The following CRIP2 variants were observed in gnomAD, a reference collection of about 807,000 sequenced individuals.
CRIP2 encodes the protein cysteine-rich protein 2.
CRIP2 carries 31 observed loss-of-function variants against 31.3 expected under a neutral mutation model. That is an observed-to-expected ratio of 0.99 (90% CI 0.74 to 1.34). CRIP2 has a LOEUF of 1.34. Ranked by LOEUF, CRIP2 falls within the 40% of genes most tolerant of loss-of-function variation. The pLI, the probability that CRIP2 is intolerant of heterozygous loss-of-function variation, is 0.00. For synonymous variants in CRIP2, 177 were observed against 127.2 expected (o/e 1.39, Z -2.63); for missense variants, 389 against 301.6 (o/e 1.29, Z -2.15).
chr14:105,476,144 G>T, intron 1 of CRIP2: 2 of 985,462 alleles, frequency 2.0e-6, no homozygotes, highest in Non-Finnish European at 2.4e-6. Context: ...TAAGGCTTAG[G>T]GTGGGAGACG....
chr14:105,478,432 C>T lies in CRIP2; in HGVS notation c.139-18C>T, dbSNP rs782154948. ...CGCCACCCTCAGGCAGGGTCCTGAC[C>T]CGCGCCCCTCTGCGCAGCATGACGG... On this transcript the variant is annotated intron_variant, in intron 2 of 7. Coordinates refer to ENST00000329146, the MANE Select transcript of CRIP2 (RefSeq NM_001312.4). The surrounding 1 kb of genome is among the most constrained non-coding windows in gnomAD (Gnocchi z 4.9). The T allele has an allele frequency of 1.8e-4, 286 of 1,599,310 alleles. No homozygotes were observed. The highest frequency in any genetic ancestry group is 5.0e-4 in the Middle Eastern group (3 of 6,048).
In CRIP2 at chr14:105,479,996, A is replaced by C; in HGVS notation, c.*343A>C. 6.1e-6 allele frequency: 2 copies of C among 328,932 alleles called. No individual in the cohort carries two copies. Among genetic ancestry groups the C allele is most frequent in the Non-Finnish European group, 1.2e-5 (2 of 171,840 alleles). The allele number at this position is 328,932 out of a possible 1,614,324, so 20.4% of individuals were successfully genotyped here. ...GCCCACCCACCTGCCAGTGTTATTTATGCTCCCTTCGTGGGTGATGGCCAC... is the reference window on the plus strand; with the variant it reads ...GCCCACCCACCTGCCAGTGTTATTTCTGCTCCCTTCGTGGGTGATGGCCAC... On this transcript the variant is annotated 3_prime_UTR_variant, in exon 8 of 8. Coordinates refer to ENST00000329146, the MANE Select transcript of CRIP2 (RefSeq NM_001312.4).
chr14:105,476,437 T>C (rs587721075), intron 1 of CRIP2: 1 of 985,508 alleles, frequency 1.0e-6, no homozygotes, highest in East Asian at 1.1e-4. Context: ...CAGGCTGGGA[T>C]GTCGGAGCAC....
At chr14:105,476,862 G>C in intron 1 of CRIP2, 1 of 744,312 alleles carries the variant, frequency 1.3e-6, no homozygotes, top group South Asian at 6.0e-5. Flanking sequence ...GGTTGTACCA[G>C]GGCCACGGAG....
rs1555436755 is a variant in CRIP2 at position 105,479,235 on chromosome 14, C to T, written c.501+16C>T. The T allele has an allele frequency of 2.0e-5, 30 of 1,483,458 alleles. No individual in the cohort carries two copies. The highest frequency in any genetic ancestry group is 2.7e-5 in the Non-Finnish European group (29 of 1,070,796). 91.9% of individuals were successfully genotyped at this position (1,483,458 alleles called of 1,614,324 possible). A position where few individuals can be genotyped will look rare whatever the true frequency, so the allele number is the denominator to read the frequency against. On this transcript the variant is annotated intron_variant, in intron 6 of 7. Coordinates refer to ENST00000329146, the MANE Select transcript of CRIP2 (RefSeq NM_001312.4). Reference sequence around the variant, plus strand: ...GCACGCGGAGGTGAGGGGAGTGCAACGGGGCTTGGGGGCCGGGCAGGGGCG... The same window carrying T: ...GCACGCGGAGGTGAGGGGAGTGCAATGGGGCTTGGGGGCCGGGCAGGGGCG...
chr14:105,473,554 G>A (rs1228275171), upstream of CRIP2: 5 of 1,514,916 alleles, frequency 3.3e-6, no homozygotes, highest in Middle Eastern at 1.7e-4. Context: ...AGACACAGGG[G>A]GAAGGGTGTC....
chr14:105,473,451 G>A, upstream of CRIP2: 3 of 1,535,744 alleles, frequency 2.0e-6, no homozygotes, highest in Non-Finnish European at 2.6e-6. Context: ...ATGAAAGCCA[G>A]GAGCACCGAG....
At position 105,479,893 on chromosome 14, in the gene CRIP2, C is replaced by A. The variant is rs45547836; in HGVS notation, c.*240C>A. ...CCCTTCTGTGTCTGCGTGTCCGAATCCCCGTGTGACCCTGTCCCAGCATTT... is the reference window on the plus strand; with the variant it reads ...CCCTTCTGTGTCTGCGTGTCCGAATACCCGTGTGACCCTGTCCCAGCATTT... On this transcript the variant is annotated 3_prime_UTR_variant, in exon 8 of 8. Transcript: ENST00000329146. The A allele has an allele frequency of 0.015, 8,578 of 571,050 alleles. 83 individuals are homozygous for A. The highest frequency in any genetic ancestry group is 0.024 in the Middle Eastern group (52 of 2,144). The allele number at this position is 571,050 out of a possible 1,614,324, so 35.4% of individuals were successfully genotyped here. A position where few individuals can be genotyped will look rare whatever the true frequency, so the allele number is the denominator to read the frequency against.
At chr14:105,477,560 G>A in intron 1 of CRIP2, 2 of 983,728 alleles carry the variant, frequency 2.0e-6, no homozygotes, top group Non-Finnish European at 2.4e-6. Flanking sequence ...AGGTGTGAGA[G>A]GGAGAGCAGC....
chr14:105,473,742 C>T (rs1262991008), upstream of CRIP2, among the ~76,000 whole-genome samples: 5 of 152,108 alleles, frequency 3.3e-5, no homozygotes, highest in Non-Finnish European at 7.4e-5. Context: ...GGCTCTAGGG[C>T]GGAGGCACTG....
chr14:105,476,634 C>G (rs1469883120), intron 1 of CRIP2: 4 of 985,368 alleles, frequency 4.1e-6, no homozygotes, highest in Admixed American at 1.2e-4. Context: ...GGCCAGAGCA[C>G]AGTGCTGGCA....
rs1555436870 is a variant in CRIP2 at position 105,479,468 on chromosome 14, C to G, written c.534C>G (p.Cys178Trp). Reference protein sequence around the residue: ...HDGQPYCHKPCYGILFGPKGV... With the variant: ...HDGQPYCHKPWYGILFGPKGV... ...GCCAGCCCTACTGCCACAAGCCCTG[C>G]TATGGAATCCTCTTCGGACCCAAGG... is the stretch of plus-strand genomic sequence containing the variant. Residue 178 changes from cysteine (C) to tryptophan (W), a missense_variant, in exon 7 of 8, where the codon TGC becomes TGG. Physicochemically the swap from Cys to Trp is radical, Grantham distance 215. Transcript: ENST00000329146. 6.2e-7 allele frequency: 1 copy of G among 1,612,976 alleles called. No individual in the cohort carries two copies. Among genetic ancestry groups the G allele is most frequent in the Admixed American group, 1.7e-5 (1 of 60,026 alleles).
chr14:105,475,881 G>A (rs1054891879), intron 1 of CRIP2: 5 of 985,398 alleles, frequency 5.1e-6, no homozygotes, highest in Non-Finnish European at 6.0e-6. Context: ...AGGAGGGCCG[G>A]GACCAACAGG....
chr14:105,474,163 T>G (rs1339162720), upstream of CRIP2: 1 of 154,184 alleles, frequency 6.5e-6, no homozygotes, highest in East Asian at 1.9e-4. The surrounding 1 kb of genome is among the most constrained non-coding windows in gnomAD (Gnocchi z 5.1). Flanking sequence ...CCTTCCTTCC[T>G]GAGCCCTGCC....
Position 105,478,854 on chromosome 14 carries a change from C to G in CRIP2, c.320C>G (p.Pro107Arg). ...RAEERKASGP[P>R]KGPSRASSVT... ...GAGGAGCGGAAGGCGAGCGGCCCCC[C>G]GAAGGGGCCCAGCAGAGGTGGGCTG... is the stretch of plus-strand genomic sequence containing the variant. The change falls in exon 4 of 8, where the codon CCG becomes CGG. Residue 107 changes from proline (P) to arginine (R), a missense_variant. Coordinates refer to ENST00000329146, the MANE Select transcript of CRIP2 (RefSeq NM_001312.4). The surrounding 1 kb of genome is among the most constrained non-coding windows in gnomAD (Gnocchi z 4.9). 2 of 1,426,722 alleles carry G rather than the reference C, an allele frequency of 1.4e-6. No homozygotes were observed. The highest frequency in any genetic ancestry group is 3.0e-5 in the African/African-American group (2 of 66,542). 88.4% of individuals were successfully genotyped at this position (1,426,722 alleles called of 1,614,324 possible).
At position 105,477,427 on chromosome 14, in the gene CRIP2, G is replaced by C; in HGVS notation, c.44-839G>C. 5 of 984,906 alleles carry C rather than the reference G, an allele frequency of 5.1e-6. 1 individual carries two copies. The highest frequency in any genetic ancestry group is 6.0e-6 in the Non-Finnish European group (5 of 829,954). 61.0% of individuals were successfully genotyped at this position (984,906 alleles called of 1,614,324 possible). On this transcript the variant is annotated intron_variant, in intron 1 of 7. Coordinates refer to ENST00000329146, the MANE Select transcript of CRIP2 (RefSeq NM_001312.4). ...TCCCGCCTGGAGGACCCACGGGGAC[G>C]GGGCCTGGCCTTCCCATGAGGGAGC...
At chr14:105,473,523 G>C (rs1252572660), upstream of CRIP2, 5 of 1,532,894 alleles carry the variant, frequency 3.3e-6, no homozygotes, top group Non-Finnish European at 3.5e-6. Flanking sequence ...GTAGGTCTCC[G>C]TGTCCAGCCC....
At chr14:105,476,516 C>G (rs1197794178) in intron 1 of CRIP2, 4 of 985,400 alleles carry the variant, frequency 4.1e-6, no homozygotes, top group Non-Finnish European at 4.8e-6. Context: ...GCCATTAGAC[C>G]CAATCGATTC....
rs1319389984 is a variant in CRIP2, at chr14:105,478,670, G to A, written c.197-61G>A. 4 of 1,454,588 alleles carry A rather than the reference G, an allele frequency of 2.7e-6. No individual in the cohort carries two copies. Among genetic ancestry groups the A allele is most frequent in the South Asian group, 1.4e-5 (1 of 72,834 alleles). 90.1% of individuals were successfully genotyped at this position (1,454,588 alleles called of 1,614,324 possible). ...CAGTCCCCAGCGGGCCGTTTTCTGA[G>A]ATGCCCGGTGGCCGCGGCCCCCACC... On this transcript the variant is annotated intron_variant, in intron 3 of 7. Coordinates refer to ENST00000329146, the MANE Select transcript of CRIP2 (RefSeq NM_001312.4). This position sits in a 1 kb window ranked among gnomAD's most constrained non-coding sequence, Gnocchi z 4.9.
Sources: allele counts gnomAD v4.1 joint callset (sites outside exome capture counted in the v4.1 genomes callset), GRCh38; gene constraint gnomAD v4.1.1; non-coding constraint Gnocchi (gnomAD v3.1); transcripts MANE v1.5; gene names NCBI Gene and HGNC (gene_info 2026-07-23, HGNC 2026-07-21).